The following CTSC variants were observed in gnomAD, a reference collection of about 807,000 sequenced individuals.
The protein encoded by CTSC is cathepsin C, also known as dipeptidyl peptidase 1.
CTSC carries 37 observed loss-of-function variants against 40.9 expected under a neutral mutation model. The ratio of observed to expected loss-of-function variants is 0.91; its 90% confidence interval spans 0.70 to 1.19. The LOEUF is 1.19. Ranked by LOEUF, CTSC falls within the 50% of genes most tolerant of loss-of-function variation. CTSC has a pLI of 0.00. For missense variants in CTSC, 594 were observed against 567.3 expected, an observed-to-expected ratio of 1.05 and a Z score of -0.48; for synonymous variants, 232 against 207.4, an observed-to-expected ratio of 1.12 and a Z score of -1.02.
In CTSC at chr11:88,309,416, GT is replaced by G. The variant is rs574263879; in HGVS notation, c.486-99del. On this transcript the variant is annotated intron_variant, in intron 3 of 6. Transcript: ENST00000227266. ...ACACTCTGTGCCTAAGTGGAAAGTG[GT>G]ACAATCTTTCAGGAAGGTAATTGGC... The G allele has an allele frequency of 2.0e-4, 206 of 1,045,184 alleles. No homozygotes were observed. The African/African-American group carries it at 3.0e-3, about 15-fold the overall frequency. The allele number at this position is 1,045,184 out of a possible 1,614,324, so 64.7% of individuals were successfully genotyped here. A position where few individuals can be genotyped will look rare whatever the true frequency, so the allele number is the denominator to read the frequency against.
chr11:88,330,599 C>T (rs1301919236), intron 2 of CTSC, among the ~76,000 whole-genome samples: 1 of 152,022 alleles, frequency 6.6e-6, no homozygotes, highest in Non-Finnish European at 1.5e-5. Context: ...TCGCCTGTCT[C>T]GGCCTCCCAA....
In CTSC at chr11:88,335,889, C is replaced by A. The variant is rs555929251; in HGVS notation, c.173-807G>T. 7.9e-5 allele frequency among the ~76,000 whole-genome samples: 12 copies of A among 152,298 alleles called. No homozygotes were observed. In the South Asian group the frequency reaches 2.5e-3, roughly 32 times the overall value. On this transcript the variant is annotated intron_variant, in intron 1 of 6. Transcript: ENST00000227266. The stretch of plus-strand genomic sequence containing the variant: ...TTCGGAGAAGAAATGGGGTACCTTT[C>A]TCCTCAAAGGCTCTACAGTTTAGAA...
At chr11:88,314,294 C>G (rs1937829369) in intron 2 of CTSC, among the ~76,000 whole-genome samples, 1 of 152,066 alleles carries the variant, frequency 6.6e-6, no homozygotes, top group South Asian at 2.1e-4. Context: ...TTTGCCAACC[C>G]CCAGTTTAGA....
At chr11:88,307,474 A>G (rs1937659712) in intron 4 of CTSC, among the ~76,000 whole-genome samples, 1 of 152,092 alleles carries the variant, frequency 6.6e-6, no homozygotes, top group Admixed American at 6.5e-5. Flanking sequence ...TAATTTCCCA[A>G]ACTAAGAAAT....
chr11:88,325,459 G>C (rs1018360619), intron 2 of CTSC: 2 of 985,202 alleles, frequency 2.0e-6, no homozygotes, highest in Non-Finnish European at 2.4e-6. Flanking sequence ...ATCCAAATAT[G>C]CCTCTAAATA....
In CTSC at chr11:88,325,256, C is replaced by A. The variant is rs574679140; in HGVS notation, c.318+9681G>T. ...GTTTACAAAGCTCTTCTACCAATTTCCAAACTACAAACTGAAGGAGAAGGT... is the reference window on the plus strand; with the variant it reads ...GTTTACAAAGCTCTTCTACCAATTTACAAACTACAAACTGAAGGAGAAGGT... On this transcript the variant is annotated intron_variant, in intron 2 of 6. Coordinates refer to ENST00000227266, the MANE Select transcript of CTSC (RefSeq NM_001814.6). 1.2e-5 allele frequency: 12 copies of A among 985,210 alleles called. No homozygotes were observed. In the South Asian group the frequency reaches 5.2e-4, roughly 42 times the overall value. The allele number at this position is 985,210 out of a possible 1,614,324, so 61.0% of individuals were successfully genotyped here.
Position 88,324,600 on chromosome 11 carries a change from G to T in CTSC, c.318+10337C>A, listed in dbSNP as rs1178714813. 5.1e-6 allele frequency: 5 copies of T among 984,390 alleles called. No individual in the cohort carries two copies. In the East Asian group the frequency reaches 5.7e-4, roughly 112 times the overall value. The allele number at this position is 984,390 out of a possible 1,614,324, so 61.0% of individuals were successfully genotyped here. A position where few individuals can be genotyped will look rare whatever the true frequency, so the allele number is the denominator to read the frequency against. On this transcript the variant is annotated intron_variant, in intron 2 of 6. Coordinates refer to ENST00000227266, the MANE Select transcript of CTSC (RefSeq NM_001814.6). Reference sequence around the variant, plus strand: ...TCCAGGTACCTACAAAGTTCTATGTGCATTAGGTGTTGAAGATATACAGGG... The same window carrying T: ...TCCAGGTACCTACAAAGTTCTATGTTCATTAGGTGTTGAAGATATACAGGG...
Position 88,334,845 on chromosome 11 carries a change from T to C in CTSC, c.318+92A>G, listed in dbSNP as rs1201608025. Reference sequence around the variant, plus strand: ...GTGTCAATTCCGGTCATCTTCTTAATCTAAAATTAAAATTCTGAGGGTCTA... The same window carrying C: ...GTGTCAATTCCGGTCATCTTCTTAACCTAAAATTAAAATTCTGAGGGTCTA... On this transcript the variant is annotated intron_variant, in intron 2 of 6. Transcript: ENST00000227266. 6.3e-6 allele frequency: 6 copies of C among 952,086 alleles called. No homozygotes were observed. The Admixed American group carries it at 1.1e-4, about 17-fold the overall frequency. 59.0% of individuals were successfully genotyped at this position (952,086 alleles called of 1,614,324 possible).
chr11:88,302,503 G>A (rs1217301739), intron 4 of CTSC, among the ~76,000 whole-genome samples: 1 of 151,842 alleles, frequency 6.6e-6, no homozygotes, highest in Non-Finnish European at 1.5e-5. Context: ...GCGGGTGCCT[G>A]TAGTCCCAGC....
intron 2 of CTSC, among the ~76,000 whole-genome samples, chr11:88,318,716 A>G (rs570279): frequency 0.52 from 78,390 of 151,604 alleles, 20,523 homozygotes; most frequent in Non-Finnish European, 0.57. Flanking sequence ...GAGCAGCCTC[A>G]CCAACATGGT....
chr11:88,325,090 A>T, intron 2 of CTSC: 1 of 782,094 alleles, frequency 1.3e-6, no homozygotes, highest in Non-Finnish European at 1.5e-6. Context: ...CAAAGCTGAA[A>T]GAAGTCAGCT....
intron 2 of CTSC, chr11:88,325,283 A>G: frequency 4.1e-6 from 4 of 985,406 alleles, no homozygotes; most frequent in Non-Finnish European, 4.8e-6. Flanking sequence ...GGAGAAGGTA[A>G]GTTTTGGTCT....
chr11:88,308,802 T>C (rs1937689194), intron 4 of CTSC, among the ~76,000 whole-genome samples: 1 of 152,152 alleles, frequency 6.6e-6, no homozygotes, highest in Non-Finnish European at 1.5e-5. Context: ...TCTTAAGCTC[T>C]TTCTCTACTA....
intron 2 of CTSC, among the ~76,000 whole-genome samples, chr11:88,313,102 C>T (rs2134787211): frequency 6.6e-6 from 1 of 152,212 alleles, no homozygotes; most frequent in East Asian, 1.9e-4. Flanking sequence ...TGGAGTCTTG[C>T]TGTGTTGCCC....
At chr11:88,295,383 A>AT (rs35716833) in intron 6 of CTSC, among the ~76,000 whole-genome samples, 182 of 147,114 alleles carry the variant, frequency 1.2e-3, no homozygotes, top group Admixed American at 3.1e-3. Context: ...CTAAGTACAG[A>AT]TTTTTTTTTT....
intron 1 of CTSC, 39 bp downstream of exon 1, chr11:88,337,462 G>A: frequency 1.3e-6 from 2 of 1,552,388 alleles, no homozygotes; most frequent in East Asian, 2.4e-5. Flanking sequence ...CTCAAGGGCA[G>A]AAAGGACGAC....
chr11:88,330,181 CT>C (rs1938311383), intron 2 of CTSC, among the ~76,000 whole-genome samples: 1 of 152,128 alleles, frequency 6.6e-6, no homozygotes, highest in African/African-American at 2.4e-5. Flanking sequence ...ATTTGAATGC[CT>C]CTAAGACTGT....
At chr11:88,328,235 T>C in intron 2 of CTSC, 1 of 1,419,954 alleles carries the variant, frequency 7.0e-7, no homozygotes, top group Non-Finnish European at 1.0e-6. Context: ...GTCATTATGT[T>C]GAGATTAAGC....
chr11:88,298,566 G>A (rs558132847), intron 5 of CTSC: 1 of 152,278 alleles, frequency 6.6e-6, no homozygotes, highest in Non-Finnish European at 1.5e-5. Flanking sequence ...TTTTCAAGTA[G>A]CCCAATTAGC....
Sources: allele counts gnomAD v4.1 joint callset (sites outside exome capture counted in the v4.1 genomes callset), GRCh38; gene constraint gnomAD v4.1.1; transcripts MANE v1.5; gene names NCBI Gene and HGNC (gene_info 2026-07-23, HGNC 2026-07-21).